PID1: variants seen among roughly 807,000 people sequenced by gnomAD.
PID1 encodes phosphotyrosine interaction domain containing 1.
In PID1, 10 loss-of-function variants were observed where a neutral mutation model predicts 19.1. The ratio of observed to expected loss-of-function variants is 0.52; its 90% CI spans 0.32 to 0.89. The LOEUF is 0.89. Ranked by LOEUF, PID1 falls within the 40% of genes least tolerant of loss-of-function variation. PID1 has a pLI of 0.03. For synonymous variants in PID1, 130 were observed against 116.0 expected, an observed-to-expected ratio of 1.12 and a Z score of -0.78; for missense variants, 248 against 285.3, an observed-to-expected ratio of 0.87 and a Z score of 0.94.
chr2:229,034,715 G>C (rs1186042997), intron 2 of PID1, among the ~76,000 whole-genome samples: 1 of 151,976 alleles, frequency 6.6e-6, no homozygotes, highest in Admixed American at 6.6e-5. Context: ...CTTCAAAAGG[G>C]CCAAGGAAAG....
intron 1 of PID1, among the ~76,000 whole-genome samples, chr2:229,201,865 C>T (rs1194713193): frequency 6.6e-6 from 1 of 151,854 alleles, no homozygotes; most frequent in African/African-American, 2.4e-5. Context: ...TCGCATTTTC[C>T]TTATAATAAA....
At chr2:229,146,733 G>C (rs1234841130) in intron 2 of PID1, among the ~76,000 whole-genome samples, 1 of 152,042 alleles carries the variant, frequency 6.6e-6, no homozygotes, top group Admixed American at 6.6e-5. Context: ...TAGATTACTG[G>C]ATTATCCAAC....
intron 2 of PID1, among the ~76,000 whole-genome samples, chr2:229,120,988 A>G (rs1285719647): frequency 6.6e-6 from 1 of 152,170 alleles, no homozygotes; most frequent in African/African-American, 2.4e-5. Context: ...AGCCTTCACC[A>G]GAAGCCAAAC....
At chr2:229,171,905 C>A (rs1473812078) in intron 1 of PID1, among the ~76,000 whole-genome samples, 1 of 152,176 alleles carries the variant, frequency 6.6e-6, no homozygotes, top group Non-Finnish European at 1.5e-5. Context: ...TGGTCTAAAT[C>A]CAGAGTCAAA....
At chr2:229,102,338 T>A (rs537224797) in intron 2 of PID1, among the ~76,000 whole-genome samples, 1 of 152,194 alleles carries the variant, frequency 6.6e-6, no homozygotes, top group Admixed American at 6.5e-5. Flanking sequence ...GTAAACAAAT[T>A]TGCACTGTTC....
intron 2 of PID1, among the ~76,000 whole-genome samples, chr2:229,039,234 T>A (rs1452074115): frequency 6.6e-6 from 1 of 152,200 alleles, no homozygotes. Context: ...CTTTTTTATT[T>A]GAATATCCAA....
intron 2 of PID1, among the ~76,000 whole-genome samples, chr2:229,129,286 C>T (rs540686295): frequency 1.1e-3 from 160 of 151,986 alleles, no homozygotes; most frequent in African/African-American, 3.5e-3. Flanking sequence ...TGGTGGCGGG[C>T]GCCTGTAGTC....
rs1479761934 is a variant in PID1 at position 229,271,216 on chromosome 2, G to A, written c.-173C>T. The A allele has an allele frequency of 1.2e-5, 7 of 588,700 alleles. No homozygotes were observed. The highest frequency in any genetic ancestry group is 8.0e-5 in the Admixed American group (2 of 25,046). The allele number at this position is 588,700 out of a possible 1,614,324, so 36.5% of individuals were successfully genotyped here. A position where few individuals can be genotyped will look rare whatever the true frequency, so the allele number is the denominator to read the frequency against. ...GGGGGCTGCGAGCAGGAGGAGGCGC[G>A]GCGCTCAGCTGCCGGCAACTTGTGG... On this transcript the variant is annotated 5_prime_UTR_variant, in exon 1 of 3. Coordinates refer to ENST00000392055, the MANE Select transcript of PID1 (RefSeq NM_001100818.2).
At chr2:229,254,939 T>C (rs183753024) in intron 1 of PID1, among the ~76,000 whole-genome samples, 2 of 152,344 alleles carry the variant, frequency 1.3e-5, no homozygotes, top group East Asian at 3.9e-4. Context: ...AGAAACTATT[T>C]CAGATGAATT....
intron 2 of PID1, among the ~76,000 whole-genome samples, chr2:229,036,966 T>C (rs1467086155): frequency 6.6e-6 from 1 of 152,182 alleles, no homozygotes; most frequent in Non-Finnish European, 1.5e-5. Flanking sequence ...ACAGTCTGTT[T>C]TGGTTTGTTT....
intron 1 of PID1, among the ~76,000 whole-genome samples, chr2:229,205,462 A>T (rs745794237): frequency 1.3e-3 from 199 of 152,284 alleles, no homozygotes; most frequent in African/African-American, 4.4e-3. Context: ...ATTAAAATAC[A>T]CTTCAAAAAG....
At chr2:229,241,884 T>C (rs898983110) in intron 1 of PID1, among the ~76,000 whole-genome samples, 3 of 152,158 alleles carry the variant, frequency 2.0e-5, no homozygotes, top group Non-Finnish European at 4.4e-5. Context: ...TTCACCACTT[T>C]TGACAAATTC....
At chr2:229,196,280 C>T (rs1691377020) in intron 1 of PID1, among the ~76,000 whole-genome samples, 1 of 151,938 alleles carries the variant, frequency 6.6e-6, no homozygotes, top group Admixed American at 6.6e-5. Context: ...TCATTGTTAA[C>T]CTTGATAAAA....
At chr2:229,222,882 CACACACACACACACACACAT>C (rs747103502) in intron 1 of PID1, among the ~76,000 whole-genome samples, 4 of 116,722 alleles carry the variant, frequency 3.4e-5, no homozygotes, top group African/African-American at 7.7e-5. Flanking sequence ...CACACACACA[CACACACACACACACACACAT>C]GTACCCTATT....
chr2:229,070,260 G>T (rs1161408167), intron 2 of PID1, among the ~76,000 whole-genome samples: 2 of 152,204 alleles, frequency 1.3e-5, no homozygotes, highest in African/African-American at 4.8e-5. Flanking sequence ...AAGCCATGCT[G>T]CCTGGGCTCA....
chr2:229,218,455 C>T (rs964139376), intron 1 of PID1, among the ~76,000 whole-genome samples: 1 of 152,108 alleles, frequency 6.6e-6, no homozygotes, highest in African/African-American at 2.4e-5. Flanking sequence ...TTCCCGCACA[C>T]GTTGCAGAAA....
intron 2 of PID1, among the ~76,000 whole-genome samples, chr2:229,067,363 A>C (rs1694350921): frequency 6.6e-6 from 1 of 152,166 alleles, no homozygotes; most frequent in Admixed American, 6.5e-5. Context: ...TACAAGAATG[A>C]TAAGCTTATG....
chr2:229,067,298 C>T (rs1226755461), intron 2 of PID1, among the ~76,000 whole-genome samples: 1 of 152,072 alleles, frequency 6.6e-6, no homozygotes, highest in African/African-American at 2.4e-5. Flanking sequence ...TGGGTGGGGA[C>T]ACAGAGCCAA....
chr2:229,147,895 T>G (rs1291301917), intron 2 of PID1, among the ~76,000 whole-genome samples: 1 of 152,208 alleles, frequency 6.6e-6, no homozygotes, highest in Non-Finnish European at 1.5e-5. Context: ...GCCCTCACAG[T>G]GTATGGGGCA....
Sources: allele counts gnomAD v4.1 joint callset (sites outside exome capture counted in the v4.1 genomes callset), GRCh38; gene constraint gnomAD v4.1.1; transcripts MANE v1.5; gene names NCBI Gene and HGNC (gene_info 2026-07-23, HGNC 2026-07-21).